MAP3K20: variants seen among roughly 807,000 people sequenced by gnomAD.
The protein encoded by MAP3K20 is HCCS-4.
Under a neutral mutation model 85.7 loss-of-function variants are expected in MAP3K20, and 40 were observed. The observed-to-expected ratio is 0.47, with a 90% CI of 0.36 to 0.61. MAP3K20 has a LOEUF of 0.61. Ranked by LOEUF, MAP3K20 falls within the 20% of genes least tolerant of loss-of-function variation. The probability of loss-of-function intolerance (pLI) is 0.00; values close to 1 mark genes in which losing one functional copy is unlikely to be tolerated. For missense variants in MAP3K20, 817 were observed against 961.7 expected, an observed-to-expected ratio of 0.85 and a Z score of 1.99; for synonymous variants, 325 against 327.7, an observed-to-expected ratio of 0.99 and a Z score of 0.09.
chr2:173,104,156 T>C (rs1687717789), intron 2 of MAP3K20, among the ~76,000 whole-genome samples: 1 of 152,202 alleles, frequency 6.6e-6, no homozygotes, highest in Non-Finnish European at 1.5e-5. Flanking sequence ...GAATAGTTAG[T>C]AACTTTACAG....
chr2:173,265,858 A>G lies in MAP3K20; in HGVS notation c.1703-192A>G, dbSNP rs147363363. Among the ~76,000 whole-genome samples the G allele has an allele frequency of 1.1e-3, 165 of 152,330 alleles. 3 individuals carry two copies. The highest frequency in any genetic ancestry group is 9.8e-3 in the Admixed American group (150 of 15,302). On this transcript the variant is annotated intron_variant, in intron 19 of 19. Transcript: ENST00000375213. ...ATGCCAAGCACATAGCATATATTGA[A>G]TAAGTGTAAATGTCCTTATTTTTTA... is the stretch of plus-strand genomic sequence containing the variant.
In MAP3K20 at chr2:173,232,823, T is replaced by C. The variant is rs370237522; in HGVS notation, c.1203+364T>C. Among the ~76,000 whole-genome samples the C allele has an allele frequency of 2.0e-3, 303 of 152,278 alleles. 6 individuals are homozygous for C. The South Asian group carries it at 0.053, about 27-fold the overall frequency. On this transcript the variant is annotated intron_variant, in intron 14 of 19. Transcript: ENST00000375213. The stretch of plus-strand genomic sequence containing the variant: ...CTGGCCTCCATCAACAAATCTTTAT[T>C]GAGCACCTACTATGCAGCAGATCAC...
chr2:173,266,288 C>G lies in MAP3K20; in HGVS notation c.1941C>G (p.Phe647Leu), dbSNP rs772497418. Residue 647 changes from phenylalanine to leucine, a missense_variant, in exon 20 of 20, where the codon TTC becomes TTG. Transcript: ENST00000375213. ...SPTQYGLTKN[F>L]SSLHLNSRDS... ...CTCAGTATGGACTGACCAAAAACTTCTCTTCCCTACATCTCAACTCTAGGG... is the reference window on the plus strand; with the variant it reads ...CTCAGTATGGACTGACCAAAAACTTGTCTTCCCTACATCTCAACTCTAGGG... The G allele has an allele frequency of 1.2e-6, 2 of 1,613,992 alleles. No homozygotes were observed. The highest frequency in any genetic ancestry group is 1.7e-6 in the Non-Finnish European group (2 of 1,180,028).
chr2:173,263,920 T>C (rs1685353572), intron 19 of MAP3K20, 25 bp downstream of exon 19: 1 of 1,596,126 alleles, frequency 6.3e-7, no homozygotes, highest in Non-Finnish European at 8.5e-7. Context: ...CCGTATTAGA[T>C]GTGTGCTAGA....
At chr2:173,166,271 C>T (rs1689820645) in intron 2 of MAP3K20, among the ~76,000 whole-genome samples, 1 of 152,178 alleles carries the variant, frequency 6.6e-6, no homozygotes, top group South Asian at 2.1e-4. Context: ...AAACTTAATT[C>T]CTATTTACAG....
At chr2:173,080,539 TCCTGAGATAATTAAC>T (rs1686986016) in intron 1 of MAP3K20, among the ~76,000 whole-genome samples, 1 of 152,226 alleles carries the variant, frequency 6.6e-6, no homozygotes, top group Non-Finnish European at 1.5e-5. Flanking sequence ...AAAAGTGAAC[TCCTGAGATAATTAAC>T]CTACTCCCAG....
At chr2:173,254,671 G>A (rs986960463) in intron 16 of MAP3K20, among the ~76,000 whole-genome samples, 5 of 152,202 alleles carry the variant, frequency 3.3e-5, no homozygotes, top group Non-Finnish European at 7.3e-5. Flanking sequence ...AATGTCTGCA[G>A]TGTGTCCAGT....
intron 7 of MAP3K20, 144 bp from the exon 8 acceptor site, chr2:173,197,882 C>A: frequency 2.0e-6 from 1 of 505,750 alleles, no homozygotes; most frequent in Non-Finnish European, 3.4e-6. Flanking sequence ...AAGTTGTGTG[C>A]TTAATTGTTT....
intron 2 of MAP3K20, among the ~76,000 whole-genome samples, chr2:173,098,901 C>T (rs558708917): frequency 6.6e-6 from 1 of 152,228 alleles, no homozygotes; most frequent in Non-Finnish European, 1.5e-5. Flanking sequence ...CCTCACCCCA[C>T]ACCAAATGAG....
chr2:173,168,872 T>G (rs1689918240), intron 2 of MAP3K20, among the ~76,000 whole-genome samples: 1 of 152,174 alleles, frequency 6.6e-6, no homozygotes, highest in Non-Finnish European at 1.5e-5. Context: ...GTATCTGGTT[T>G]TTTTGTTTTA....
chr2:173,168,384 A>C (rs1254208267), intron 2 of MAP3K20, among the ~76,000 whole-genome samples: 4 of 152,182 alleles, frequency 2.6e-5, no homozygotes, highest in Non-Finnish European at 1.5e-5. Flanking sequence ...CGTCTCATGC[A>C]ATCAATGATA....
chr2:173,215,062 G>A (rs544965761), intron 10 of MAP3K20, among the ~76,000 whole-genome samples: 2 of 152,194 alleles, frequency 1.3e-5, no homozygotes, highest in African/African-American at 4.8e-5. Context: ...CTGTTTTCTG[G>A]AAGTGCTCAA....
intron 2 of MAP3K20, among the ~76,000 whole-genome samples, chr2:173,133,990 C>CA (rs71403354): frequency 0.02 from 2,544 of 126,868 alleles, 49 homozygotes; most frequent in South Asian, 0.037. Flanking sequence ...TATTCCATCT[C>CA]AAAAAACAAA....
At chr2:173,077,218 T>TGAA (rs1686888762) in intron 1 of MAP3K20, among the ~76,000 whole-genome samples, 1 of 152,158 alleles carries the variant, frequency 6.6e-6, no homozygotes, top group African/African-American at 2.4e-5. Flanking sequence ...AGAGCCTTCT[T>TGAA]GCTTCCTCGA....
chr2:173,120,347 T>C (rs919186415), intron 2 of MAP3K20, among the ~76,000 whole-genome samples: 1 of 152,118 alleles, frequency 6.6e-6, no homozygotes, highest in African/African-American at 2.4e-5. Context: ...ACCTCTATTC[T>C]TGGGCATAGG....
intron 2 of MAP3K20, among the ~76,000 whole-genome samples, chr2:173,155,292 G>A (rs2106232446): frequency 1.3e-5 from 2 of 152,236 alleles, no homozygotes; most frequent in Admixed American, 1.3e-4. Context: ...AAAAGCAAGA[G>A]TACTAGAAGA....
At position 173,261,049 on chromosome 2, in the gene MAP3K20, CTT is replaced by C; in HGVS notation, c.1477-11_1477-10del. On this transcript the variant is annotated splice_polypyrimidine_tract_variant and intron_variant, in intron 17 of 19. Coordinates refer to ENST00000375213, the MANE Select transcript of MAP3K20 (RefSeq NM_016653.3). Reference sequence around the variant, plus strand: ...GTGTTATGGTACTACACCATCCTAACTTTTGTTTTTCAGCCACCATTTGTAAT... The same window carrying C: ...GTGTTATGGTACTACACCATCCTAACTTGTTTTTCAGCCACCATTTGTAAT... 6.2e-7 allele frequency: 1 copy of C among 1,612,648 alleles called. No homozygotes were observed. The highest frequency in any genetic ancestry group is 8.5e-7 in the Non-Finnish European group (1 of 1,179,022).
intron 2 of MAP3K20, among the ~76,000 whole-genome samples, chr2:173,141,019 TTA>T (rs1203234122): frequency 2.0e-5 from 3 of 152,164 alleles, no homozygotes; most frequent in Non-Finnish European, 4.4e-5. Context: ...TTATGATATT[TTA>T]TATGTATATA....
intron 3 of MAP3K20, among the ~76,000 whole-genome samples, chr2:173,170,543 T>A (rs1372638565): frequency 1.3e-5 from 2 of 152,196 alleles, no homozygotes; most frequent in African/African-American, 4.8e-5. Context: ...ATAATCGGTT[T>A]TACAACAAAT....
Sources: allele counts gnomAD v4.1 joint callset (sites outside exome capture counted in the v4.1 genomes callset), GRCh38; gene constraint gnomAD v4.1.1; transcripts MANE v1.5; gene names NCBI Gene and HGNC (gene_info 2026-07-23, HGNC 2026-07-21).